The following NCKAP5 variants were observed in gnomAD, a reference collection of about 807,000 sequenced individuals.
NCKAP5 encodes nck-associated protein 5.
Under a neutral mutation model 167.0 loss-of-function variants are expected in NCKAP5, and 92 were observed. That is an observed-to-expected ratio of 0.55 (90% CI 0.47 to 0.66). The LOEUF (loss-of-function observed/expected upper bound fraction) is 0.66. Among genes scored for constraint, NCKAP5 ranks in the 30% least tolerant of loss-of-function variants. The pLI, the probability that NCKAP5 is intolerant of heterozygous loss-of-function variation, is 0.00. For synonymous variants in NCKAP5, 891 were observed against 877.4 expected, an observed-to-expected ratio of 1.02 and a Z score of -0.27; for missense variants, 2,378 against 2,315.0, an observed-to-expected ratio of 1.03 and a Z score of -0.56.
chr2:133,550,974 T>G (rs1002386891), intron 2 of NCKAP5, among the ~76,000 whole-genome samples: 1 of 152,102 alleles, frequency 6.6e-6, no homozygotes, highest in African/African-American at 2.4e-5. Flanking sequence ...AGCCAAATCA[T>G]GAGTGAATTC....
rs886779322 is a variant in NCKAP5, at chr2:133,339,326, TG to T, written c.70-36217del. On this transcript the variant is annotated intron_variant, in intron 3 of 19. Transcript: ENST00000409261. ...TAAAAAGAACACAAGGCCAAGTCACTGGGGAAAAAAAAAAATTCTATGAAAC... is the reference window on the plus strand; with the variant it reads ...TAAAAAGAACACAAGGCCAAGTCACTGGGAAAAAAAAAAATTCTATGAAAC... 2.3e-3 allele frequency among the ~76,000 whole-genome samples: 353 copies of T among 151,906 alleles called. 2 individuals carry two copies. Among genetic ancestry groups the T allele is most frequent in the Middle Eastern group, 3.4e-3 (1 of 290 alleles).
At chr2:133,038,227 T>A (rs2079099141) in intron 6 of NCKAP5, among the ~76,000 whole-genome samples, 1 of 152,120 alleles carries the variant, frequency 6.6e-6, no homozygotes. Flanking sequence ...GAAGTGTTCA[T>A]CAACAGATGA....
intron 8 of NCKAP5, among the ~76,000 whole-genome samples, chr2:132,949,819 C>A (rs1034144760): frequency 1.8e-4 from 28 of 152,184 alleles, no homozygotes; most frequent in Admixed American, 1.1e-3. Flanking sequence ...TTAGGCTGGG[C>A]GCAGTCACTC....
At chr2:132,860,059 G>C (rs769899030) in intron 11 of NCKAP5, among the ~76,000 whole-genome samples, 16 of 152,122 alleles carry the variant, frequency 1.1e-4, no homozygotes, top group Non-Finnish European at 2.2e-4. Context: ...CATAGAGAGA[G>C]ATATAAAAGA....
chr2:132,972,408 C>G (rs1249254004), intron 7 of NCKAP5, among the ~76,000 whole-genome samples: 1 of 152,172 alleles, frequency 6.6e-6, no homozygotes, highest in Non-Finnish European at 1.5e-5. Context: ...GGAAACATGT[C>G]TACAACTCTC....
chr2:133,294,372 T>A (rs527410130), intron 4 of NCKAP5, among the ~76,000 whole-genome samples: 130 of 152,312 alleles, frequency 8.5e-4, no homozygotes, highest in African/African-American at 3.0e-3. Flanking sequence ...ATAGGATTCT[T>A]AGATACAGGA....
the NCKAP5 span, among the ~76,000 whole-genome samples, chr2:133,615,322 A>G: frequency 6.6e-6 from 1 of 151,306 alleles, no homozygotes; most frequent in Admixed American, 6.6e-5. Flanking sequence ...ATGTAAATGG[A>G]CTAAATGCTC....
chr2:133,481,207 G>A (rs1680396946), intron 3 of NCKAP5, among the ~76,000 whole-genome samples: 1 of 152,152 alleles, frequency 6.6e-6, no homozygotes, highest in Non-Finnish European at 1.5e-5. Flanking sequence ...TGGATGGGCT[G>A]CACAGTCATC....
intron 6 of NCKAP5, among the ~76,000 whole-genome samples, chr2:133,116,486 T>A (rs2149739309): frequency 8.5e-5 from 1 of 11,786 alleles, no homozygotes. Context: ...AGACTCCGTC[T>A]CAAAAAAAAA....
At chr2:133,577,423 C>G in the NCKAP5 span, among the ~76,000 whole-genome samples, 3 of 152,140 alleles carry the variant, frequency 2.0e-5, no homozygotes, top group African/African-American at 7.2e-5. Context: ...ACATTTAGCT[C>G]TGGTTTGCTC....
intron 8 of NCKAP5, among the ~76,000 whole-genome samples, chr2:132,884,732 T>C (rs918430626): frequency 4.6e-5 from 7 of 152,114 alleles, no homozygotes; most frequent in Admixed American, 2.0e-4. Flanking sequence ...GGAAGAGAGA[T>C]AAAGGAGAGA....
intron 8 of NCKAP5, among the ~76,000 whole-genome samples, chr2:132,917,105 C>T (rs751761259): frequency 6.6e-5 from 10 of 152,160 alleles, no homozygotes; most frequent in Non-Finnish European, 1.2e-4. Flanking sequence ...GAACTCTTAA[C>T]ATCCCTTGTT....
At chr2:132,764,582 T>A (rs569782843) in intron 16 of NCKAP5, among the ~76,000 whole-genome samples, 1 of 152,340 alleles carries the variant, frequency 6.6e-6, no homozygotes, top group South Asian at 2.1e-4. Context: ...CTACAGGATC[T>A]GAACCATACA....
chr2:133,551,851 A>C (rs1323651432), intron 2 of NCKAP5, among the ~76,000 whole-genome samples: 1 of 132,930 alleles, frequency 7.5e-6, no homozygotes, highest in East Asian at 2.3e-4. Flanking sequence ...CTCATCTGAC[A>C]AAGGGCTAAT....
intron 11 of NCKAP5, among the ~76,000 whole-genome samples, chr2:132,833,372 A>C (rs559896764): frequency 5.9e-5 from 9 of 152,182 alleles, no homozygotes; most frequent in African/African-American, 1.9e-4. Context: ...TTTTAGCTTT[A>C]TATGGTTTCT....
intron 11 of NCKAP5, among the ~76,000 whole-genome samples, chr2:132,832,850 G>T (rs1444056990): frequency 6.6e-6 from 1 of 152,018 alleles, no homozygotes; most frequent in Non-Finnish European, 1.5e-5. Flanking sequence ...TTTCTTTTTT[G>T]TATACGGATT....
chr2:132,992,910 T>C (rs886191770), intron 7 of NCKAP5, among the ~76,000 whole-genome samples: 6 of 152,226 alleles, frequency 3.9e-5, no homozygotes, highest in Admixed American at 3.3e-4. Context: ...CTTCTTGAAG[T>C]AGCCCTGTGT....
chr2:132,740,405 T>C (rs1238119482), intron 16 of NCKAP5, among the ~76,000 whole-genome samples: 1 of 152,080 alleles, frequency 6.6e-6, no homozygotes, highest in Non-Finnish European at 1.5e-5. Context: ...GGAAAACAGA[T>C]CTCTTTATTT....
chr2:133,347,367 C>T (rs918020003), intron 3 of NCKAP5, among the ~76,000 whole-genome samples: 2 of 151,852 alleles, frequency 1.3e-5, no homozygotes, highest in African/African-American at 4.8e-5. Context: ...CAGCCTGACC[C>T]ACATGGAGAA....
Sources: gnomAD v4.1 joint callset for allele counts (sites outside exome capture counted in the v4.1 genomes callset) on GRCh38, gnomAD v4.1.1 for gene constraint, MANE v1.5 for transcripts, NCBI Gene and HGNC (gene_info 2026-07-23, HGNC 2026-07-21) for gene names.